SMPD3: variants seen among roughly 807,000 people sequenced by gnomAD.
SMPD3 encodes the protein nSMase-2.
A neutral mutation model predicts 55.7 loss-of-function variants in SMPD3; 21 were observed. That is an observed-to-expected ratio of 0.38 (90% CI 0.27 to 0.54). The LOEUF is 0.54. Ranked by LOEUF, SMPD3 falls within the 20% of genes least tolerant of loss-of-function variation. The pLI, the probability that SMPD3 is intolerant of heterozygous loss-of-function variation, is 0.80. For missense variants in SMPD3, 842 were observed against 899.6 expected, an observed-to-expected ratio of 0.94 and a Z score of 0.82; for synonymous variants, 457 against 404.3, an observed-to-expected ratio of 1.13 and a Z score of -1.56.
At chr16:68,389,991 G>C (rs1259048087) in intron 1 of SMPD3, among the ~76,000 whole-genome samples, 1 of 152,190 alleles carries the variant, frequency 6.6e-6, no homozygotes, top group Non-Finnish European at 1.5e-5. Flanking sequence ...AGAGGGTGCT[G>C]GTTGGCTATT....
At chr16:68,423,681 C>G (rs1472047944) in intron 1 of SMPD3, among the ~76,000 whole-genome samples, 2 of 152,194 alleles carry the variant, frequency 1.3e-5, no homozygotes, top group African/African-American at 4.8e-5. Context: ...TTTCTTCCTA[C>G]TGGTCTTGTT....
chr16:68,394,855 T>A (rs1392993999), intron 1 of SMPD3, among the ~76,000 whole-genome samples: 1 of 152,182 alleles, frequency 6.6e-6, no homozygotes, highest in Non-Finnish European at 1.5e-5. Context: ...ACAGAGACAG[T>A]GAGTGAGGTG....
intron 2 of SMPD3, among the ~76,000 whole-genome samples, chr16:68,375,624 A>G (rs1439040258): frequency 6.7e-6 from 1 of 149,120 alleles, no homozygotes; most frequent in Non-Finnish European, 1.5e-5. Context: ...TGTAGAGGAG[A>G]GAGACTCTCT....
At chr16:68,362,457 G>A (rs151118410) in intron 7 of SMPD3, among the ~76,000 whole-genome samples, 6 of 152,316 alleles carry the variant, frequency 3.9e-5, no homozygotes, top group African/African-American at 7.2e-5. Context: ...CAGTATGCCC[G>A]TCTGCTTCCT....
At chr16:68,426,823 A>T (rs1255799174) in intron 1 of SMPD3, among the ~76,000 whole-genome samples, 1 of 151,964 alleles carries the variant, frequency 6.6e-6, no homozygotes, top group East Asian at 1.9e-4. Flanking sequence ...TAATAACCTC[A>T]TTTGTGGAGT....
intron 1 of SMPD3, among the ~76,000 whole-genome samples, chr16:68,429,453 G>A (rs1401349278): frequency 6.6e-6 from 1 of 152,224 alleles, no homozygotes; most frequent in Non-Finnish European, 1.5e-5. Flanking sequence ...AAGGATCTGG[G>A]TAGGTTTGGG....
At chr16:68,425,198 C>A (rs142208309) in intron 1 of SMPD3, among the ~76,000 whole-genome samples, 1 of 152,344 alleles carries the variant, frequency 6.6e-6, no homozygotes, top group Admixed American at 6.5e-5. Flanking sequence ...GAATTAGAAC[C>A]TCTGGCTTTA....
At chr16:68,391,429 A>G (rs1236087502) in intron 1 of SMPD3, among the ~76,000 whole-genome samples, 1 of 152,232 alleles carries the variant, frequency 6.6e-6, no homozygotes. Flanking sequence ...AAGACTGTGC[A>G]CTTCAGAGTC....
intron 1 of SMPD3, among the ~76,000 whole-genome samples, chr16:68,388,466 G>A (rs1398410630): frequency 6.6e-6 from 1 of 152,188 alleles, no homozygotes; most frequent in East Asian, 1.9e-4. Context: ...ACATAAAGGA[G>A]GCAGGCCACT....
intron 2 of SMPD3, among the ~76,000 whole-genome samples, chr16:68,379,431 G>A (rs1198632393): frequency 6.6e-6 from 1 of 152,228 alleles, no homozygotes; most frequent in Non-Finnish European, 1.5e-5. Flanking sequence ...CGAGTGTGGT[G>A]CCTGCCTCAT....
At chr16:68,384,534 G>A (rs1258591084) in intron 2 of SMPD3, among the ~76,000 whole-genome samples, 1 of 152,210 alleles carries the variant, frequency 6.6e-6, no homozygotes, top group Non-Finnish European at 1.5e-5. Context: ...CTCAAGCTAT[G>A]TCAGCAAATT....
intron 2 of SMPD3, among the ~76,000 whole-genome samples, chr16:68,381,257 A>C (rs1197782288): frequency 6.6e-6 from 1 of 152,100 alleles, no homozygotes; most frequent in African/African-American, 2.4e-5. Context: ...ACCATGAAAG[A>C]CCATCCCTCT....
chr16:68,424,144 G>A (rs2090417606), intron 1 of SMPD3, among the ~76,000 whole-genome samples: 1 of 149,886 alleles, frequency 6.7e-6, no homozygotes, highest in African/African-American at 2.4e-5. Context: ...GGCTAAGCCT[G>A]CCCTGGTCAC....
intron 1 of SMPD3, among the ~76,000 whole-genome samples, chr16:68,424,412 G>A (rs1468103323): frequency 2.6e-5 from 4 of 152,010 alleles, no homozygotes; most frequent in Non-Finnish European, 4.4e-5. Context: ...TGCCTGCAGA[G>A]CTTTGGTCCT....
intron 1 of SMPD3, among the ~76,000 whole-genome samples, chr16:68,430,225 C>T (rs2090468855): frequency 6.6e-6 from 1 of 152,020 alleles, no homozygotes; most frequent in African/African-American, 2.4e-5. Flanking sequence ...TCTATGCCCC[C>T]TCCCTCCACC....
intron 1 of SMPD3, among the ~76,000 whole-genome samples, chr16:68,408,801 G>A (rs879913182): frequency 2.6e-5 from 4 of 152,212 alleles, no homozygotes; most frequent in Non-Finnish European, 5.9e-5. Flanking sequence ...CATCCCTGAG[G>A]TTTCTGCCTG....
chr16:68,362,584 G>A (rs1488803834), intron 7 of SMPD3, among the ~76,000 whole-genome samples: 6 of 152,230 alleles, frequency 3.9e-5, no homozygotes, highest in Admixed American at 3.3e-4. Context: ...AAGTGCAGTG[G>A]TGAGAGACCC....
intron 1 of SMPD3, among the ~76,000 whole-genome samples, chr16:68,430,345 C>T (rs1352298822): frequency 6.6e-6 from 1 of 152,188 alleles, no homozygotes; most frequent in Non-Finnish European, 1.5e-5. Context: ...TACCTCCTCC[C>T]CAGTCATGCT....
intron 1 of SMPD3, among the ~76,000 whole-genome samples, chr16:68,403,751 C>T: frequency 6.6e-6 from 1 of 152,184 alleles, no homozygotes; most frequent in East Asian, 1.9e-4. Flanking sequence ...AATAATTTTA[C>T]CCCAGCTCAT....
Sources: gnomAD v4.1 joint callset for allele counts (sites outside exome capture counted in the v4.1 genomes callset) on GRCh38, gnomAD v4.1.1 for gene constraint, MANE v1.5 for transcripts, NCBI Gene and HGNC (gene_info 2026-07-23, HGNC 2026-07-21) for gene names.